Variants in DDX39B observed in about 807,000 individuals in gnomAD.
DDX39B encodes DExD-box helicase 39B.
In DDX39B, 6 loss-of-function variants were observed where a neutral mutation model predicts 46.4. The ratio of observed to expected loss-of-function variants is 0.13; its 90% CI spans 0.07 to 0.26. The LOEUF (loss-of-function observed/expected upper bound fraction) is 0.26. Among genes scored for constraint, DDX39B ranks in the 10% least tolerant of loss-of-function variants. The probability of loss-of-function intolerance (pLI) is 1.00; values close to 1 mark genes in which losing one functional copy is unlikely to be tolerated. For missense variants in DDX39B, 185 were observed against 553.4 expected (o/e 0.33, Z 6.68); for synonymous variants, 174 against 199.4 (o/e 0.87, Z 1.07).
intron 4 of DDX39B, among the ~76,000 whole-genome samples, chr6:31,537,288 T>C (rs547307278): frequency 2.6e-5 from 4 of 152,088 alleles, no homozygotes; most frequent in South Asian, 2.1e-4. Context: ...ACAAATTTAC[T>C]ACTAAAAAAC....
rs1768533851 is a variant in DDX39B at position 31,541,961 on chromosome 6, G to C, written c.-144C>G. The C allele has an allele frequency of 6.0e-6, 4 of 671,978 alleles. No homozygotes were observed. Among genetic ancestry groups the C allele is most frequent in the African/African-American group, 3.5e-5 (2 of 56,586 alleles). The allele number at this position is 671,978 out of a possible 1,614,324, so 41.6% of individuals were successfully genotyped here. Reference sequence around the variant, plus strand: ...AGGCCAAAGCTTACCTAAACAGGGAGAGCGCGTATGGCGGCAGCAACAGCG... The same window carrying C: ...AGGCCAAAGCTTACCTAAACAGGGACAGCGCGTATGGCGGCAGCAACAGCG... On this transcript the variant is annotated 5_prime_UTR_variant, in exon 1 of 11. Coordinates refer to ENST00000396172, the MANE Select transcript of DDX39B (RefSeq NM_004640.7).
rs751541852 is a variant in DDX39B, at chr6:31,540,290, A to G, written c.211+32T>C. 1.9e-6 allele frequency: 3 copies of G among 1,605,416 alleles called. No homozygotes were observed. In the South Asian group the frequency reaches 3.3e-5, roughly 18 times the overall value. On this transcript the variant is annotated intron_variant, in intron 2 of 10. Transcript: ENST00000396172. ...TTTGTATTGTACCCTTAAAGAGCCCAATGAGCACTACATGCCCAAGAGAAA... is the reference window on the plus strand; with the variant it reads ...TTTGTATTGTACCCTTAAAGAGCCCGATGAGCACTACATGCCCAAGAGAAA...
chr6:31,536,463 T>C, intron 5 of DDX39B, 37 bp downstream of exon 5: 1 of 1,612,526 alleles, frequency 6.2e-7, no homozygotes, highest in Non-Finnish European at 8.5e-7. Flanking sequence ...AAAGAACAAC[T>C]CCCCAGCATT....
At position 31,534,839 on chromosome 6, in the gene DDX39B, C is replaced by G; in HGVS notation, c.735+528G>C. On this transcript the variant is annotated intron_variant, in intron 6 of 10. Coordinates refer to ENST00000396172, the MANE Select transcript of DDX39B (RefSeq NM_004640.7). This position sits in a 1 kb window ranked among gnomAD's most constrained non-coding sequence, Gnocchi z 5.1. ...GAGTAGGGTATCGGGGATTGAGGTG[C>G]CAAAGGCCCCCACCCCTGGAGGTGG... is the stretch of plus-strand genomic sequence containing the variant. The G allele has an allele frequency of 3.8e-6, 1 of 264,336 alleles. No individual in the cohort carries two copies. Among genetic ancestry groups the G allele is most frequent in the South Asian group, 4.0e-5 (1 of 24,898 alleles). 16.4% of individuals were successfully genotyped at this position (264,336 alleles called of 1,614,324 possible).
chr6:31,535,071 C>G lies in DDX39B; in HGVS notation c.735+296G>C. On this transcript the variant is annotated intron_variant, in intron 6 of 10. Coordinates refer to ENST00000396172, the MANE Select transcript of DDX39B (RefSeq NM_004640.7). This position sits in a 1 kb window ranked among gnomAD's most constrained non-coding sequence, Gnocchi z 4.6. Reference sequence around the variant, plus strand: ...TGGGTGGGTGGTAGGGCAGAAAAATCCTGCCCTCCCCCAAAGGGAGAAGAG... The same window carrying G: ...TGGGTGGGTGGTAGGGCAGAAAAATGCTGCCCTCCCCCAAAGGGAGAAGAG... 1 of 451,668 alleles carries G rather than the reference C, an allele frequency of 2.2e-6. No homozygotes were observed. Among genetic ancestry groups the G allele is most frequent in the Non-Finnish European group, 4.1e-6 (1 of 244,556 alleles). 28.0% of individuals were successfully genotyped at this position (451,668 alleles called of 1,614,324 possible). A position where few individuals can be genotyped will look rare whatever the true frequency, so the allele number is the denominator to read the frequency against.
rs1767028638 is a variant in DDX39B at position 31,530,439 on chromosome 6, G to A, written c.1282C>T (p.Arg428Trp). 3 of 1,612,410 alleles carry A rather than the reference G, an allele frequency of 1.9e-6. No homozygotes were observed. Among genetic ancestry groups the A allele is most frequent in the Admixed American group, 1.7e-5 (1 of 59,960 alleles). Residue 428 changes from arginine (R) to tryptophan (W), a missense_variant, in exon 11 of 11, where the codon CGG becomes TGG. By Grantham distance (101) the Arg-to-Trp change is moderately radical. Around this residue, in one of 5 missense-constraint regions of DDX39B, gnomAD observed 22 missense variants for 52.3 expected, o/e 0.42. Coordinates refer to ENST00000396172, the MANE Select transcript of DDX39B (RefSeq NM_004640.7). The surrounding 1 kb of genome is among the most constrained non-coding windows in gnomAD (Gnocchi z 4.5). ...TTCCAAAATGGGCGAGTCTTCTACC[G>A]TGTCTGTTCAACTGAGAAGAAAACG... ...IDISSYIEQTR is the reference protein window; with the variant it reads ...IDISSYIEQTW
Position 31,535,505 on chromosome 6 carries a change from A to G in DDX39B, c.617-20T>C. On this transcript the variant is annotated intron_variant, in intron 5 of 10. Transcript: ENST00000396172. The surrounding 1 kb of genome is among the most constrained non-coding windows in gnomAD (Gnocchi z 4.6). ...GCATGTCTACAAGAACAAGGAAAAA[A>G]ATTGTAGGAGAAAATAAGCAGGTAT... 1.3e-6 allele frequency: 2 copies of G among 1,595,276 alleles called. No individual in the cohort carries two copies. The highest frequency in any genetic ancestry group is 4.5e-5 in the East Asian group (2 of 44,642).
intron 6 of DDX39B, chr6:31,533,551 T>C (rs2150330709): frequency 6.5e-6 from 1 of 153,256 alleles, no homozygotes; most frequent in Admixed American, 6.5e-5. Flanking sequence ...GACTGGTCTC[T>C]TGACTAAGAA....
At chr6:31,537,372 G>A (rs1767899541) in intron 4 of DDX39B, among the ~76,000 whole-genome samples, 1 of 152,180 alleles carries the variant, frequency 6.6e-6, no homozygotes, top group Non-Finnish European at 1.5e-5. Flanking sequence ...ATTGCAGTGA[G>A]GCGAGATTGA....
intron 2 of DDX39B, 82 bp from the exon 3 acceptor site, chr6:31,539,356 C>T: frequency 6.4e-7 from 1 of 1,551,028 alleles, no homozygotes; most frequent in South Asian, 1.2e-5. Context: ...AAGCCCATTT[C>T]TTACCACTCA....
At chr6:31,541,674 G>A (rs1477135399) in intron 1 of DDX39B, 2 of 505,104 alleles carry the variant, frequency 4.0e-6, no homozygotes, top group Admixed American at 4.6e-5. Flanking sequence ...CATTGATGCT[G>A]AGGCCTCCAA....
At position 31,541,959 on chromosome 6, in the gene DDX39B, G is replaced by A. The variant is rs113015863; in HGVS notation, c.-142C>T. 1,006 of 671,940 alleles carry A rather than the reference G, an allele frequency of 1.5e-3. 2 individuals carry two copies. Among genetic ancestry groups the A allele is most frequent in the Non-Finnish European group, 2.1e-3 (775 of 363,192 alleles). The allele number at this position is 671,940 out of a possible 1,614,324, so 41.6% of individuals were successfully genotyped here. ...GAAGGCCAAAGCTTACCTAAACAGG[G>A]AGAGCGCGTATGGCGGCAGCAACAG... On this transcript the variant is annotated 5_prime_UTR_variant, in exon 1 of 11. Transcript: ENST00000396172.
At chr6:31,540,780 A>G in intron 1 of DDX39B, 116 bp from the exon 2 acceptor site, 1 of 569,328 alleles carries the variant, frequency 1.8e-6, no homozygotes, top group Non-Finnish European at 3.1e-6. Flanking sequence ...GGAAAGAAAA[A>G]CAGATACAAA....
In DDX39B at chr6:31,541,392, T is replaced by C. The variant is rs144231480; in HGVS notation, c.-133+558A>G. 7.9e-4 allele frequency: 293 copies of C among 371,802 alleles called. 1 individual carries two copies. Among genetic ancestry groups the C allele is most frequent in the African/African-American group, 6.0e-3 (281 of 46,920 alleles). The allele number at this position is 371,802 out of a possible 1,614,324, so 23.0% of individuals were successfully genotyped here. On this transcript the variant is annotated intron_variant, in intron 1 of 10. Coordinates refer to ENST00000396172, the MANE Select transcript of DDX39B (RefSeq NM_004640.7). ...CCCCGCCCAGGCTTTAACAGGATCT[T>C]TACCAAGTGGTCTCACATCACTGTT...
intron 2 of DDX39B, among the ~76,000 whole-genome samples, chr6:31,539,540 G>A (rs1009223923): frequency 1.3e-5 from 2 of 151,944 alleles, no homozygotes; most frequent in Non-Finnish European, 2.9e-5. Flanking sequence ...TCTACCAACC[G>A]CTCACCTTCA....
intron 1 of DDX39B, 59 bp from the exon 2 acceptor site, chr6:31,540,723 T>C: frequency 1.7e-6 from 1 of 596,876 alleles, no homozygotes; most frequent in Non-Finnish European, 3.0e-6. Flanking sequence ...CACCACCTCT[T>C]TTCCATCCCC....
At chr6:31,541,840 G>T in intron 1 of DDX39B, 110 bp downstream of exon 1, 1 of 644,728 alleles carries the variant, frequency 1.6e-6, no homozygotes. Flanking sequence ...AACCAACTAG[G>T]CCCCAGCGAC....
chr6:31,540,912 G>A (rs1768345120), intron 1 of DDX39B: 1 of 402,486 alleles, frequency 2.5e-6, no homozygotes, highest in African/African-American at 2.1e-5. Context: ...GTTGGAAGGG[G>A]AAGACCAACT....
rs781233909 is a variant in DDX39B at position 31,540,455 on chromosome 6, C to T, written c.78G>A (p.Gly26=). ...CATCCTTCTTGGCAGGGGCCTCAGCCCCATCTCCCCCAGCTGCTGTCTCCA... is the reference window on the plus strand; with the variant it reads ...CATCCTTCTTGGCAGGGGCCTCAGCTCCATCTCCCCCAGCTGCTGTCTCCA... ...DEVETAAGGD[G]AEAPAKKDVK... Residue 26 remains glycine (G), a synonymous_variant, in exon 2 of 11, where the codon GGG becomes GGA. Transcript: ENST00000396172. 6.2e-7 allele frequency: 1 copy of T among 1,614,190 alleles called. No homozygotes were observed. Among genetic ancestry groups the T allele is most frequent in the South Asian group, 1.1e-5 (1 of 91,086 alleles).
Sources: allele counts gnomAD v4.1 joint callset (sites outside exome capture counted in the v4.1 genomes callset), GRCh38; gene constraint gnomAD v4.1.1; regional missense constraint gnomAD v4.1.1; non-coding constraint Gnocchi (gnomAD v3.1); transcripts MANE v1.5; gene names NCBI Gene and HGNC (gene_info 2026-07-23, HGNC 2026-07-21).